Variants in UBE2Q1 observed in about 807,000 individuals in gnomAD.
The protein encoded by UBE2Q1 is ubiquitin-conjugating enzyme E2 Q1.
Under a neutral mutation model 60.1 loss-of-function variants are expected in UBE2Q1, and 6 were observed. The ratio of observed to expected loss-of-function variants is 0.10; its 90% confidence interval spans 0.05 to 0.20. The LOEUF (loss-of-function observed/expected upper bound fraction) is 0.20. Ranked by LOEUF, UBE2Q1 falls within the 10% of genes least tolerant of loss-of-function variation. The pLI is 1.00. For synonymous variants in UBE2Q1, 226 were observed against 208.3 expected (o/e 1.09, Z -0.73); for missense variants, 262 against 525.8 (o/e 0.50, Z 4.91).
intron 1 of UBE2Q1, among the ~76,000 whole-genome samples, chr1:154,557,438 G>A (rs965869589): frequency 1.9e-4 from 29 of 152,218 alleles, no homozygotes; most frequent in Non-Finnish European, 2.9e-4. Context: ...GACATGTAAG[G>A]TGTATGCCTA....
At chr1:154,555,093 T>C (rs1695859836) in intron 3 of UBE2Q1, 1 of 540,074 alleles carries the variant, frequency 1.9e-6, no homozygotes, top group South Asian at 2.5e-5. Flanking sequence ...TTCTTTAGAC[T>C]GATATTGCAT....
Position 154,550,363 on chromosome 1 carries a change from T to G in UBE2Q1, c.*75A>C. 176 of 1,587,646 alleles carry G rather than the reference T, an allele frequency of 1.1e-4. No homozygotes were observed. Among genetic ancestry groups the G allele is most frequent in the Middle Eastern group, 1.7e-4 (1 of 6,008 alleles). ...GAGGGAGGGAACCACAGAGGCAGCGTGAGATCCAAATACAGCATTCAAAGG... is the reference window on the plus strand; with the variant it reads ...GAGGGAGGGAACCACAGAGGCAGCGGGAGATCCAAATACAGCATTCAAAGG... On this transcript the variant is annotated 3_prime_UTR_variant, in exon 13 of 13. Transcript: ENST00000292211.
Position 154,553,180 on chromosome 1 carries a change from A to T in UBE2Q1, c.589-8T>A, listed in dbSNP as rs924941530. 1.9e-6 allele frequency: 3 copies of T among 1,608,292 alleles called. No homozygotes were observed. The highest frequency in any genetic ancestry group is 2.5e-6 in the Non-Finnish European group (3 of 1,178,524). ...ATCTAAGTCTTCTGTGTCCTGGAGG[A>T]GGTGTGGGGTGGGAGTGAAAAGAAA... is the stretch of plus-strand genomic sequence containing the variant. On this transcript the variant is annotated splice_polypyrimidine_tract_variant and splice_region_variant and intron_variant, in intron 4 of 12. Coordinates refer to ENST00000292211, the MANE Select transcript of UBE2Q1 (RefSeq NM_017582.7).
intron 4 of UBE2Q1, chr1:154,553,626 A>T (rs1695832536): frequency 6.2e-6 from 1 of 160,138 alleles, no homozygotes; most frequent in South Asian, 1.7e-4. Flanking sequence ...GAGAAACCTG[A>T]ATCATTACAT....
chr1:154,550,966 C>T lies in UBE2Q1; in HGVS notation c.1209G>A (p.Lys403=), dbSNP rs1265621143. The change falls in exon 12 of 13, where the codon AAG becomes AAA. Residue 403 remains lysine, a synonymous_variant. Transcript: ENST00000292211. ...YSLTRAQQSY[K]SLVQIHEKNG... ...TTTTTTCGTGGATCTGCACCAAGGA[C>T]TTGTAGGACTGCTGTGCTCTTGTCA... 7 of 1,613,990 alleles carry T rather than the reference C, an allele frequency of 4.3e-6. No homozygotes were observed. The highest frequency in any genetic ancestry group is 5.1e-6 in the Non-Finnish European group (6 of 1,180,020).
chr1:154,557,938 TAGCCAAAAAG>T (rs1695920971), intron 1 of UBE2Q1, among the ~76,000 whole-genome samples: 1 of 151,000 alleles, frequency 6.6e-6, no homozygotes. Flanking sequence ...TGTGGAGGAG[TAGCCAAAAAG>T]AGCCAAAATC....
Position 154,554,748 on chromosome 1 carries a change from T to C in UBE2Q1, c.575A>G (p.Glu192Gly). The change falls in exon 4 of 13, where the codon GAG becomes GGG. Residue 192 changes from glutamate to glycine, a missense_variant. Around this residue, in one of 5 missense-constraint regions of UBE2Q1, gnomAD observed 111 missense variants for 266.8 expected, o/e 0.42. Coordinates refer to ENST00000292211, the MANE Select transcript of UBE2Q1 (RefSeq NM_017582.7). ...GGGCAAGCCTACCTCAGGCATCTCC[T>C]CATCTTCATCTTCTGAAGACACGTC... ...QEDVSSEDED[E>G]EMPEDTEDLD... is the part of the protein sequence containing the mutation. 6.2e-7 allele frequency: 1 copy of C among 1,613,522 alleles called. No individual in the cohort carries two copies. The highest frequency in any genetic ancestry group is 8.5e-7 in the Non-Finnish European group (1 of 1,179,566).
At chr1:154,553,852 T>C (rs1286024325) in intron 4 of UBE2Q1, among the ~76,000 whole-genome samples, 1 of 152,210 alleles carries the variant, frequency 6.6e-6, no homozygotes, top group East Asian at 1.9e-4. Context: ...AGCCAGATGT[T>C]GGGGGTGTGG....
At chr1:154,550,907 C>T (rs1292305969) in intron 12 of UBE2Q1, 31 bp downstream of exon 12, 11 of 1,613,866 alleles carry the variant, frequency 6.8e-6, no homozygotes, top group Admixed American at 1.7e-5. Context: ...GGCAAGTGTC[C>T]GAATCTCCTG....
At chr1:154,555,155 G>A (rs1695860761) in intron 3 of UBE2Q1, 1 of 563,190 alleles carries the variant, frequency 1.8e-6, no homozygotes, top group Admixed American at 3.0e-5. Flanking sequence ...AACTGTTATT[G>A]CTAAGATAAT....
chr1:154,550,838 G>C, intron 12 of UBE2Q1, 100 bp downstream of exon 12: 2 of 1,600,964 alleles, frequency 1.2e-6, no homozygotes, highest in Non-Finnish European at 1.7e-6. Context: ...GGGTGGTTGA[G>C]TATCAGAAAC....
intron 1 of UBE2Q1, among the ~76,000 whole-genome samples, chr1:154,556,296 C>T (rs981904955): frequency 6.6e-5 from 10 of 152,198 alleles, no homozygotes; most frequent in Non-Finnish European, 1.2e-4. Context: ...ACTGCCTATA[C>T]AAGTTCTAGA....
intron 11 of UBE2Q1, 109 bp downstream of exon 11, chr1:154,551,288 C>T: frequency 8.3e-7 from 1 of 1,198,022 alleles, no homozygotes; most frequent in East Asian, 2.3e-5. Context: ...TGCCACCAGC[C>T]CGGGGGCCTT....
chr1:154,554,018 A>C (rs1695841139), intron 4 of UBE2Q1, among the ~76,000 whole-genome samples: 2 of 152,244 alleles, frequency 1.3e-5, no homozygotes, highest in South Asian at 4.1e-4. Context: ...GGCAGGACAT[A>C]CCTAATTACC....
intron 1 of UBE2Q1, among the ~76,000 whole-genome samples, chr1:154,556,558 G>A (rs1695891802): frequency 6.6e-6 from 1 of 152,190 alleles, no homozygotes; most frequent in Admixed American, 6.5e-5. Flanking sequence ...TTGGGAACCT[G>A]CCACCTTCTC....
chr1:154,550,400 G>C lies in UBE2Q1; in HGVS notation c.*38C>G. The C allele has an allele frequency of 6.2e-7, 1 of 1,613,838 alleles. No homozygotes were observed. The highest frequency in any genetic ancestry group is 1.1e-5 in the South Asian group (1 of 91,060). On this transcript the variant is annotated 3_prime_UTR_variant, in exon 13 of 13. Coordinates refer to ENST00000292211, the MANE Select transcript of UBE2Q1 (RefSeq NM_017582.7). ...ACAGCATTCAAAGGTAATTGGTCCA[G>C]TGGTGCCTGGGGAGGGAGGAAGGGT...
At chr1:154,555,568 C>A (rs2149362560) in intron 2 of UBE2Q1, 36 bp from the exon 3 acceptor site, 1 of 1,584,480 alleles carries the variant, frequency 6.3e-7, no homozygotes, top group Non-Finnish European at 8.7e-7. Flanking sequence ...TCAAATCCTT[C>A]CCCACTCCGA....
chr1:154,554,765 A>G lies in UBE2Q1; in HGVS notation c.558T>C (p.Ser186=). ...GCATCTCCTCATCTTCATCTTCTGA[A>G]GACACGTCTTCCTGTGTGCACTGCA... The part of the protein sequence containing the change: ...PAEQCTQEDV[S]SEDEDEEMPE... Residue 186 remains serine, a synonymous_variant, in exon 4 of 13, where the codon TCT becomes TCC. Transcript: ENST00000292211. The G allele has an allele frequency of 6.2e-7, 1 of 1,613,520 alleles. No individual in the cohort carries two copies. The highest frequency in any genetic ancestry group is 8.5e-7 in the Non-Finnish European group (1 of 1,179,606).
intron 4 of UBE2Q1, 113 bp from the exon 5 acceptor site, chr1:154,553,285 A>G (rs1695824571): frequency 7.2e-7 from 1 of 1,388,778 alleles, no homozygotes; most frequent in African/African-American, 1.5e-5. Flanking sequence ...GTTAAAGTGA[A>G]GCAGTCCATC....
Sources: gnomAD v4.1 joint callset for allele counts (sites outside exome capture counted in the v4.1 genomes callset) on GRCh38, gnomAD v4.1.1 for gene constraint, gnomAD v4.1.1 regional missense constraint, MANE v1.5 for transcripts, NCBI Gene and HGNC (gene_info 2026-07-23, HGNC 2026-07-21) for gene names.